SIL1: variants seen among roughly 807,000 people sequenced by gnomAD.
The protein encoded by SIL1 is SIL1 nucleotide exchange factor.
In SIL1, 40 loss-of-function variants were observed where a neutral mutation model predicts 49.1. The observed-to-expected ratio is 0.81, with a 90% confidence interval of 0.63 to 1.06. SIL1 has a LOEUF of 1.06. Ranked by LOEUF, SIL1 falls within the 50% of genes least tolerant of loss-of-function variation. The probability of loss-of-function intolerance (pLI) is 0.00; values close to 1 mark genes in which losing one functional copy is unlikely to be tolerated. For missense variants in SIL1, 500 were observed against 572.6 expected (o/e 0.87, Z 1.29); for synonymous variants, 253 against 250.8 (o/e 1.01, Z -0.08).
At chr5:139,056,919 G>C (rs1252997413) in intron 3 of SIL1, among the ~76,000 whole-genome samples, 2 of 151,898 alleles carry the variant, frequency 1.3e-5, no homozygotes, top group East Asian at 1.9e-4. Flanking sequence ...GATGGTTGCC[G>C]TGTCTGTGTA....
chr5:139,030,470 C>CT (rs1768761980), intron 5 of SIL1, among the ~76,000 whole-genome samples: 1 of 150,800 alleles, frequency 6.6e-6, no homozygotes, highest in Admixed American at 6.6e-5. Context: ...GAGCAAGACT[C>CT]TGTCTCAAAA....
chr5:138,974,459 C>A (rs1205943889), intron 7 of SIL1, among the ~76,000 whole-genome samples: 1 of 152,194 alleles, frequency 6.6e-6, no homozygotes, highest in Non-Finnish European at 1.5e-5. Context: ...CATTCTAATG[C>A]CAGCTCCCAA....
chr5:139,054,867 G>A (rs997078588), intron 3 of SIL1, among the ~76,000 whole-genome samples: 2 of 152,194 alleles, frequency 1.3e-5, no homozygotes, highest in African/African-American at 4.8e-5. Flanking sequence ...ACACGTCATG[G>A]CAGCAGCAGT....
chr5:139,163,472 C>T (rs567339025), intron 1 of SIL1, among the ~76,000 whole-genome samples: 14 of 152,046 alleles, frequency 9.2e-5, no homozygotes, highest in Non-Finnish European at 1.9e-4. Context: ...CAGGTTCAAG[C>T]GATTCTCCTG....
At position 139,139,013 on chromosome 5, in the gene SIL1, C is replaced by A. The variant is rs567865796; in HGVS notation, c.-10-11160G>T. Among the ~76,000 whole-genome samples the A allele has an allele frequency of 4.6e-5, 7 of 152,290 alleles. No homozygotes were observed. The East Asian group carries it at 1.3e-3, about 29-fold the overall frequency. ...ACTGACATCAAACACTTCAGAGTCC[C>A]GCTTCCTGATGACTCAGGCCTGTCT... On this transcript the variant is annotated intron_variant, in intron 1 of 9. Transcript: ENST00000394817.
chr5:139,051,119 A>G (rs1204110600), intron 3 of SIL1, 73 bp from the exon 4 acceptor site: 3 of 1,354,674 alleles, frequency 2.2e-6, no homozygotes, highest in Non-Finnish European at 3.2e-6. Context: ...CCAGCAAGCC[A>G]ACAGGACTTA....
intron 3 of SIL1, 26 bp downstream of exon 3, chr5:139,121,009 T>C (rs1031920292): frequency 1.2e-6 from 2 of 1,613,432 alleles, no homozygotes; most frequent in African/African-American, 1.3e-5. Flanking sequence ...AAGTGTGTTT[T>C]GTGGGGACAG....
At chr5:138,969,117 T>C (rs1767215837) in intron 7 of SIL1, among the ~76,000 whole-genome samples, 1 of 152,152 alleles carries the variant, frequency 6.6e-6, no homozygotes, top group Non-Finnish European at 1.5e-5. Context: ...AAATTTCTAA[T>C]GGTATTAATT....
chr5:139,086,460 G>C (rs1323103553), intron 3 of SIL1, among the ~76,000 whole-genome samples: 1 of 151,638 alleles, frequency 6.6e-6, no homozygotes, highest in African/African-American at 2.4e-5. Flanking sequence ...TACCTCCCAG[G>C]TTCAAACAAT....
chr5:139,132,587 A>T (rs1172829432), intron 1 of SIL1, among the ~76,000 whole-genome samples: 1 of 152,146 alleles, frequency 6.6e-6, no homozygotes, highest in Non-Finnish European at 1.5e-5. Context: ...GATTGAGAGG[A>T]CTGAGGAGAG....
At chr5:139,180,595 T>C (rs1290793175) in intron 1 of SIL1, among the ~76,000 whole-genome samples, 6 of 152,020 alleles carry the variant, frequency 3.9e-5, no homozygotes, top group Admixed American at 6.6e-5. Flanking sequence ...CCCACCACAA[T>C]TGATACATAC....
chr5:139,094,102 A>G (rs961482573), intron 3 of SIL1, among the ~76,000 whole-genome samples: 1 of 152,218 alleles, frequency 6.6e-6, no homozygotes, highest in Non-Finnish European at 1.5e-5. Context: ...GAGTGAACAC[A>G]TCGTGTTTCT....
At chr5:138,994,101 G>A (rs997673095) in intron 7 of SIL1, among the ~76,000 whole-genome samples, 5 of 151,866 alleles carry the variant, frequency 3.3e-5, no homozygotes, top group Admixed American at 1.3e-4. Flanking sequence ...TTTAAAGACA[G>A]GAAAAGGATA....
Position 138,947,511 on chromosome 5 carries a change from G to C in SIL1, c.1030-38C>G, listed in dbSNP as rs1033459964. 2 of 1,583,730 alleles carry C rather than the reference G, an allele frequency of 1.3e-6. No individual in the cohort carries two copies. The highest frequency in any genetic ancestry group is 2.7e-5 in the African/African-American group (2 of 74,326). ...ACAGCCGCAGGCCAGGTAGGGTGGG[G>C]GTGGGGAGAGAACACACAGGGAGCA... On this transcript the variant is annotated intron_variant, in intron 9 of 9. Coordinates refer to ENST00000394817, the MANE Select transcript of SIL1 (RefSeq NM_022464.5). This position sits in a 1 kb window ranked among gnomAD's most constrained non-coding sequence, Gnocchi z 4.1.
At chr5:139,183,155 C>A (rs1752021758) in intron 1 of SIL1, among the ~76,000 whole-genome samples, 1 of 152,186 alleles carries the variant, frequency 6.6e-6, no homozygotes, top group African/African-American at 2.4e-5. Context: ...CTAGGGCAAA[C>A]CTCTCTGGCC....
At chr5:138,954,805 G>C (rs1018029613) in intron 7 of SIL1, among the ~76,000 whole-genome samples, 1 of 152,216 alleles carries the variant, frequency 6.6e-6, no homozygotes, top group Middle Eastern at 3.2e-3. Flanking sequence ...CCCTTGCTGG[G>C]AATCTCATAA....
At chr5:139,080,067 G>C (rs897010505) in intron 3 of SIL1, among the ~76,000 whole-genome samples, 2 of 152,098 alleles carry the variant, frequency 1.3e-5, no homozygotes, top group African/African-American at 4.8e-5. Context: ...TTTACTGGGG[G>C]TGGGGGGTGG....
intron 1 of SIL1, among the ~76,000 whole-genome samples, chr5:139,197,591 T>C (rs1231852269): frequency 6.6e-6 from 1 of 152,200 alleles, no homozygotes; most frequent in Non-Finnish European, 1.5e-5. Context: ...TCCTGATTCC[T>C]GGCTTTTCCC....
intron 1 of SIL1, among the ~76,000 whole-genome samples, chr5:139,170,706 G>A (rs7700270): frequency 0.14 from 21,622 of 149,646 alleles, 4,357 homozygotes; most frequent in African/African-American, 0.46. Context: ...GAGCCCCTCC[G>A]CCCGGCAGCC....
Sources: gnomAD v4.1 joint callset for allele counts (sites outside exome capture counted in the v4.1 genomes callset) on GRCh38, gnomAD v4.1.1 for gene constraint, Gnocchi (gnomAD v3.1) non-coding constraint, MANE v1.5 for transcripts, NCBI Gene and HGNC (gene_info 2026-07-23, HGNC 2026-07-21) for gene names.